OR7C1: variants seen among roughly 807,000 people sequenced by gnomAD.
The protein encoded by OR7C1 is olfactory receptor family 7 subfamily C member 1.
For missense variants in OR7C1, 324 were observed against 383.3 expected, an observed-to-expected ratio of 0.85 and a Z score of 1.29; for synonymous variants, 152 against 160.7, an observed-to-expected ratio of 0.95 and a Z score of 0.41.
chr19:14,822,923 A>T (rs982536833), intron 1 of OR7C1, among the ~76,000 whole-genome samples: 7 of 150,744 alleles, frequency 4.6e-5, no homozygotes, highest in Non-Finnish European at 8.8e-5. Flanking sequence ...ACCCCTTATC[A>T]TATGTGTGGT....
At chr19:14,816,808 T>C (rs1178972936) in intron 1 of OR7C1, among the ~76,000 whole-genome samples, 2 of 152,228 alleles carry the variant, frequency 1.3e-5, no homozygotes, top group Non-Finnish European at 2.9e-5. Flanking sequence ...GGAGGTTAGA[T>C]ATCTGGAAGG....
chr19:14,807,389 T>C (rs746279468), intron 2 of OR7C1, among the ~76,000 whole-genome samples: 3 of 151,998 alleles, frequency 2.0e-5, no homozygotes, highest in Non-Finnish European at 4.4e-5. Flanking sequence ...TTTTCCACTC[T>C]CTATTGCAAA....
chr19:14,807,330 G>A (rs1821010447), intron 2 of OR7C1, among the ~76,000 whole-genome samples: 1 of 151,796 alleles, frequency 6.6e-6, no homozygotes, highest in African/African-American at 2.4e-5. Flanking sequence ...GTTATTAATA[G>A]AACTCAATTA....
At chr19:14,832,320 A>G (rs2044840926) in intron 1 of OR7C1, among the ~76,000 whole-genome samples, 1 of 152,138 alleles carries the variant, frequency 6.6e-6, no homozygotes, top group Admixed American at 6.5e-5. Flanking sequence ...ATTATAGCAC[A>G]AGGTCAAAAT....
chr19:14,816,379 C>T (rs1014234772), intron 1 of OR7C1, among the ~76,000 whole-genome samples: 1 of 152,134 alleles, frequency 6.6e-6, no homozygotes, highest in Admixed American at 6.5e-5. Context: ...CACCCTCAAT[C>T]CGTGTGGGCA....
intron 1 of OR7C1, among the ~76,000 whole-genome samples, chr19:14,818,906 T>C (rs1192714727): frequency 1.3e-5 from 2 of 152,186 alleles, no homozygotes; most frequent in Non-Finnish European, 2.9e-5. Context: ...TCACACATTT[T>C]TTTCTTTCTT....
At chr19:14,812,781 T>C (rs2044697453) in intron 1 of OR7C1, among the ~76,000 whole-genome samples, 2 of 151,926 alleles carry the variant, frequency 1.3e-5, no homozygotes, top group South Asian at 2.1e-4. Context: ...ATCCTGGTGA[T>C]GGCTGGGCAT....
intron 1 of OR7C1, among the ~76,000 whole-genome samples, chr19:14,814,705 G>C (rs1443932924): frequency 6.6e-6 from 1 of 152,116 alleles, no homozygotes; most frequent in African/African-American, 2.4e-5. Flanking sequence ...GATTACAGGC[G>C]TAAGCCACCA....
At chr19:14,820,175 G>A (rs2071984578) in intron 1 of OR7C1, among the ~76,000 whole-genome samples, 1 of 152,126 alleles carries the variant, frequency 6.6e-6, no homozygotes, top group African/African-American at 2.4e-5. Context: ...GCCTCCCAAA[G>A]TGCTGGGATT....
intron 1 of OR7C1, among the ~76,000 whole-genome samples, chr19:14,819,773 G>A (rs1335245745): frequency 6.6e-6 from 1 of 152,074 alleles, no homozygotes; most frequent in Admixed American, 6.5e-5. Flanking sequence ...TTCTTCCACT[G>A]CTTTAAGAAA....
intron 1 of OR7C1, among the ~76,000 whole-genome samples, chr19:14,819,073 G>A (rs2044729677): frequency 6.6e-6 from 1 of 150,424 alleles, no homozygotes. Flanking sequence ...TCCCCGGTGT[G>A]TGATATTCCC....
Position 14,817,185 on chromosome 19 carries a change from G to C in OR7C1, c.-622-7192C>G, listed in dbSNP as rs1421723906. Reference sequence around the variant, plus strand: ...CCCAGACTGGGGACTGGGCTGAATGGGACCCTTCAGCCCATTCCAGGTGGG... The same window carrying C: ...CCCAGACTGGGGACTGGGCTGAATGCGACCCTTCAGCCCATTCCAGGTGGG... On this transcript the variant is annotated intron_variant, in intron 1 of 4. Coordinates refer to ENST00000641666, the Ensembl canonical transcript of OR7C1. Among the ~76,000 whole-genome samples, 3 of 152,146 alleles carry C rather than the reference G, an allele frequency of 2.0e-5. No individual in the cohort carries two copies. In the East Asian group the frequency reaches 5.8e-4, roughly 29 times the overall value.
chr19:14,810,131 T>C (rs2044683918), intron 1 of OR7C1, 138 bp from the exon 2 acceptor site: 1 of 151,940 alleles, frequency 6.6e-6, no homozygotes, highest in Non-Finnish European at 1.5e-5. Context: ...AAATAAAAAG[T>C]GTTTCTGCCA....
chr19:14,833,288 G>A (rs1437353436), intron 1 of OR7C1, among the ~76,000 whole-genome samples: 1 of 152,218 alleles, frequency 6.6e-6, no homozygotes, highest in East Asian at 1.9e-4. Flanking sequence ...AGACCAGCCT[G>A]GGCAATATGG....
intron 1 of OR7C1, among the ~76,000 whole-genome samples, chr19:14,832,930 A>T (rs918918976): frequency 6.6e-6 from 1 of 152,232 alleles, no homozygotes; most frequent in Non-Finnish European, 1.5e-5. Context: ...GCAAAAATCT[A>T]GATATAAAAG....
At chr19:14,805,218 C>T (rs2044660553) in intron 2 of OR7C1, among the ~76,000 whole-genome samples, 1 of 151,428 alleles carries the variant, frequency 6.6e-6, no homozygotes, top group Non-Finnish European at 1.5e-5. Flanking sequence ...CTGTACTCCT[C>T]CTGCCTGCAA....
chr19:14,814,237 G>C (rs2044705943), intron 1 of OR7C1, among the ~76,000 whole-genome samples: 1 of 152,172 alleles, frequency 6.6e-6, no homozygotes, highest in African/African-American at 2.4e-5. Flanking sequence ...AGAGTGAAAA[G>C]ACAACCTATG....
At chr19:14,808,694 T>TAC (rs147608482) in intron 2 of OR7C1, among the ~76,000 whole-genome samples, 5,394 of 152,058 alleles carry the variant, frequency 0.035, 146 homozygotes, top group South Asian at 0.074. Context: ...GAGTGATGGT[T>TAC]ACACTAATAG....
chr19:14,813,325 T>C (rs923110561), intron 1 of OR7C1, among the ~76,000 whole-genome samples: 2 of 151,896 alleles, frequency 1.3e-5, no homozygotes, highest in Admixed American at 6.6e-5. Context: ...GAGGCTGAGG[T>C]GGGCGGATCA....
Sources: gnomAD v4.1 joint callset for allele counts (sites outside exome capture counted in the v4.1 genomes callset) on GRCh38, gnomAD v4.1.1 for gene constraint, MANE v1.5 for transcripts, NCBI Gene and HGNC (gene_info 2026-07-23, HGNC 2026-07-21) for gene names.